Variants in KLHL32 observed in about 807,000 individuals in gnomAD.
KLHL32 encodes kelch like family member 32.
In KLHL32, 35 loss-of-function variants were observed where a neutral mutation model predicts 64.8. The ratio of observed to expected loss-of-function variants is 0.54; its 90% CI spans 0.41 to 0.72. KLHL32 has a LOEUF of 0.72. Ranked by LOEUF, KLHL32 falls within the 30% of genes least tolerant of loss-of-function variation. The probability of loss-of-function intolerance (pLI) is 0.00; values close to 1 mark genes in which losing one functional copy is unlikely to be tolerated. For missense variants in KLHL32, 589 were observed against 768.5 expected, an observed-to-expected ratio of 0.77 and a Z score of 2.76; for synonymous variants, 259 against 281.0, an observed-to-expected ratio of 0.92 and a Z score of 0.78.
At chr6:97,071,314 G>T (rs767857383) in intron 5 of KLHL32, among the ~76,000 whole-genome samples, 2 of 151,980 alleles carry the variant, frequency 1.3e-5, no homozygotes, top group Non-Finnish European at 2.9e-5. Flanking sequence ...CTCCTCTACA[G>T]CATTTAAACA....
At chr6:96,936,309 T>C (rs572107530) in intron 1 of KLHL32, among the ~76,000 whole-genome samples, 1 of 152,350 alleles carries the variant, frequency 6.6e-6, no homozygotes, top group South Asian at 2.1e-4. Flanking sequence ...GAAGGAAACC[T>C]ACCTTATAGT....
chr6:96,961,720 T>C (rs902445995), intron 1 of KLHL32, among the ~76,000 whole-genome samples: 2 of 152,110 alleles, frequency 1.3e-5, no homozygotes, highest in Non-Finnish European at 2.9e-5. Flanking sequence ...GGTGAGGTAA[T>C]TAGGGCTTCT....
chr6:96,915,560 T>A, the KLHL32 span, among the ~76,000 whole-genome samples: 112 of 152,228 alleles, frequency 7.4e-4, no homozygotes, highest in Non-Finnish European at 1.2e-3. Context: ...AGAGCACTGA[T>A]CTTGGGAGAT....
At chr6:97,055,906 TAA>T (rs1266324110) in intron 4 of KLHL32, among the ~76,000 whole-genome samples, 5 of 150,794 alleles carry the variant, frequency 3.3e-5, no homozygotes, top group Non-Finnish European at 7.4e-5. Flanking sequence ...AAGTGTTACA[TAA>T]AGTTATTTTT....
chr6:97,029,136 T>G lies in KLHL32; in HGVS notation c.205-12356T>G, dbSNP rs117505944. Reference sequence around the variant, plus strand: ...GAAACAACTTGATTTGTGTCCTTTTTTTATTCCACCCTTTCCTCTCCCAGA... The same window carrying G: ...GAAACAACTTGATTTGTGTCCTTTTGTTATTCCACCCTTTCCTCTCCCAGA... On this transcript the variant is annotated intron_variant, in intron 3 of 10. Transcript: ENST00000369261. 9.0e-4 allele frequency among the ~76,000 whole-genome samples: 137 copies of G among 152,342 alleles called. 2 individuals are homozygous for G. In the East Asian group the frequency reaches 0.024, roughly 26 times the overall value.
At chr6:96,933,179 C>T (rs193156139) in intron 1 of KLHL32, among the ~76,000 whole-genome samples, 136 of 152,254 alleles carry the variant, frequency 8.9e-4, no homozygotes, top group African/African-American at 3.0e-3. Flanking sequence ...TTGAAAACAA[C>T]GACATATTTT....
At chr6:96,948,993 A>G (rs1772250448) in intron 1 of KLHL32, among the ~76,000 whole-genome samples, 1 of 152,204 alleles carries the variant, frequency 6.6e-6, no homozygotes, top group South Asian at 2.1e-4. Flanking sequence ...TGATATTTGC[A>G]TAAGTAAGAT....
chr6:96,977,267 G>A (rs559983352), intron 3 of KLHL32, among the ~76,000 whole-genome samples: 2 of 152,186 alleles, frequency 1.3e-5, no homozygotes, highest in Admixed American at 1.3e-4. Flanking sequence ...CAAAGACTAA[G>A]TAATTTGCAC....
upstream of KLHL32, among the ~76,000 whole-genome samples, chr6:96,923,349 AGAC>A (rs1281958884): frequency 2.0e-5 from 3 of 152,256 alleles, no homozygotes; most frequent in Admixed American, 6.5e-5. Flanking sequence ...TTCTGATAGA[AGAC>A]AACGCAATGA....
intron 3 of KLHL32, among the ~76,000 whole-genome samples, chr6:97,008,902 C>A (rs555725771): frequency 6.6e-6 from 1 of 151,968 alleles, no homozygotes; most frequent in African/African-American, 2.4e-5. Context: ...TGTGCTTAGC[C>A]GGCCGTCTTG....
upstream of KLHL32, among the ~76,000 whole-genome samples, chr6:96,924,051 CATTTCTCAGGCTTGGGG>C: frequency 6.6e-6 from 1 of 152,278 alleles, no homozygotes; most frequent in African/African-American, 2.4e-5. Flanking sequence ...CACCCTTTCT[CATTTCTCAGGCTTGGGG>C]ATTTCGTCCA....
chr6:96,917,525 G>C, the KLHL32 span, among the ~76,000 whole-genome samples: 5 of 152,324 alleles, frequency 3.3e-5, no homozygotes, highest in East Asian at 9.7e-4. Flanking sequence ...GAAAACAACA[G>C]CTATGACAGA....
At chr6:97,130,680 A>T in intron 8 of KLHL32, 77 bp from the exon 9 acceptor site, 1 of 1,116,668 alleles carries the variant, frequency 9.0e-7, no homozygotes, top group Non-Finnish European at 1.3e-6. Context: ...GGTTCTCACT[A>T]CTTATGAGGC....
intron 8 of KLHL32, 88 bp downstream of exon 8, chr6:97,127,550 C>A (rs1799003786): frequency 9.9e-7 from 1 of 1,009,478 alleles, no homozygotes; most frequent in Non-Finnish European, 1.6e-6. Context: ...GCCAAGTGTA[C>A]ACACACAGAT....
intron 6 of KLHL32, among the ~76,000 whole-genome samples, chr6:97,087,849 C>T (rs561198029): frequency 2.0e-5 from 3 of 152,250 alleles, no homozygotes; most frequent in Non-Finnish European, 2.9e-5. Flanking sequence ...TTAACCTCAC[C>T]GAACCAACTC....
chr6:96,990,701 A>C (rs921865880), intron 3 of KLHL32, among the ~76,000 whole-genome samples: 3 of 150,916 alleles, frequency 2.0e-5, no homozygotes, highest in Admixed American at 6.6e-5. Context: ...CGGAGCTGCT[A>C]CCAGTTGGTG....
intron 1 of KLHL32, among the ~76,000 whole-genome samples, chr6:96,953,322 GA>G (rs56816535): frequency 0.22 from 33,829 of 152,064 alleles, 3,961 homozygotes; most frequent in Admixed American, 0.27. Context: ...GGTTTCCCAT[GA>G]AAAAAGATGA....
At chr6:96,912,089 A>T in the KLHL32 span, among the ~76,000 whole-genome samples, 1 of 151,986 alleles carries the variant, frequency 6.6e-6, no homozygotes, top group South Asian at 2.1e-4. Context: ...ATCTGAACTC[A>T]TCATCTTCCC....
At chr6:96,969,517 C>T (rs141299776) in intron 2 of KLHL32, among the ~76,000 whole-genome samples, 78 of 152,204 alleles carry the variant, frequency 5.1e-4, no homozygotes, top group African/African-American at 1.7e-3. Flanking sequence ...CCAGATGAAC[C>T]GATCTATTCA....
Sources: allele counts gnomAD v4.1 joint callset (sites outside exome capture counted in the v4.1 genomes callset), GRCh38; gene constraint gnomAD v4.1.1; transcripts MANE v1.5; gene names NCBI Gene and HGNC (gene_info 2026-07-23, HGNC 2026-07-21).